Variants in USP29 observed in about 807,000 individuals in gnomAD.
USP29 encodes ubiquitin specific peptidase 29.
For synonymous variants in USP29, 386 were observed against 387.4 expected, an observed-to-expected ratio of 1.00 and a Z score of 0.04; for missense variants, 1,102 against 1,069.0, an observed-to-expected ratio of 1.03 and a Z score of -0.43.
chr19:57,128,022 G>A (rs532812809), intron 3 of USP29, among the ~76,000 whole-genome samples: 3 of 149,874 alleles, frequency 2.0e-5, no homozygotes, highest in Non-Finnish European at 3.0e-5. Flanking sequence ...GGGGGAGGGA[G>A]GTCCCTGGCT....
Position 57,130,776 on chromosome 19 carries a change from G to A in USP29, c.2101G>A (p.Val701Ile), listed in dbSNP as rs570824915. ...LQKYEKTNTF[V>I]EFNFDSVTES... ...GAAGTATGAGAAAACCAATACATTC[G>A]TAGAGTTCAATTTTGACAGTGTCAC... The change falls in exon 4 of 4, where the codon GTA (valine) becomes ATA (isoleucine). Residue 701 changes from valine (V) to isoleucine (I), a missense_variant. Transcript: ENST00000254181. 118 of 1,614,146 alleles carry A rather than the reference G, an allele frequency of 7.3e-5. No individual in the cohort carries two copies. Among genetic ancestry groups the A allele is most frequent in the East Asian group, 1.6e-4 (7 of 44,884 alleles).
At position 57,130,548 on chromosome 19, in the gene USP29, G is replaced by C. The variant is rs1202098931; in HGVS notation, c.1873G>C (p.Gly625Arg). ...GCAGCATCAGAGAGACCTGGAAAAT[G>C]GCTCTGCACTAGAGTCAGAATTGGT... ...QEQHQRDLEN[G>R]SALESELVHF... The change falls in exon 4 of 4, where the codon GGC becomes CGC. Residue 625 changes from glycine to arginine, a missense_variant. Transcript: ENST00000254181. 6 of 1,614,174 alleles carry C rather than the reference G, an allele frequency of 3.7e-6. No individual in the cohort carries two copies. Among genetic ancestry groups the C allele is most frequent in the Non-Finnish European group, 5.1e-6 (6 of 1,180,036 alleles).
rs1027662808 is a variant in USP29 at position 57,129,539 on chromosome 19, C to A, written c.864C>A (p.Pro288=). Residue 288 remains proline, a synonymous_variant, in exon 4 of 4, where the codon CCC becomes CCA. Transcript: ENST00000254181. ...CACAGCAACTGCAGCAGGGGTTCCC[C>A]AATTTGGGAAACACCTGTTACATGA... is the stretch of plus-strand genomic sequence containing the variant. The part of the protein sequence containing the change: ...SHSQQLQQGF[P]NLGNTCYMNA... 8 of 1,614,176 alleles carry A rather than the reference C, an allele frequency of 5.0e-6. No homozygotes were observed. The highest frequency in any genetic ancestry group is 5.9e-6 in the Non-Finnish European group (7 of 1,180,038).
intron 3 of USP29, among the ~76,000 whole-genome samples, chr19:57,127,338 C>G (rs1018981808): frequency 6.6e-6 from 1 of 152,216 alleles, no homozygotes; most frequent in Non-Finnish European, 1.5e-5. Flanking sequence ...CTCTTCAGAG[C>G]CAGCAGGCAG....
Position 57,122,976 on chromosome 19 carries a change from G to A in USP29, c.-118+502G>A, listed in dbSNP as rs1327404754. Among the ~76,000 whole-genome samples the A allele has an allele frequency of 3.3e-5, 5 of 152,104 alleles. No homozygotes were observed. The East Asian group carries it at 9.6e-4, about 29-fold the overall frequency. On this transcript the variant is annotated intron_variant, in intron 2 of 3. Transcript: ENST00000254181. Reference sequence around the variant, plus strand: ...TATATATTATGTTAGGATCTCTCAGGAAACTGAGGACACATTAATTATAAT... The same window carrying A: ...TATATATTATGTTAGGATCTCTCAGAAAACTGAGGACACATTAATTATAAT...
chr19:57,129,234 G>GATAA lies in USP29; in HGVS notation c.560_563dup (p.Asn188LysfsTer2), dbSNP rs1233584595. The GATAA allele has an allele frequency of 6.2e-7, 1 of 1,612,594 alleles. No individual in the cohort carries two copies. Among genetic ancestry groups the GATAA allele is most frequent in the Non-Finnish European group, 8.5e-7 (1 of 1,179,572 alleles). ...GACAAATGAGGACATTCTGAAGGAA[G>GATAA]ATAACCCTGTACCAAACAAGAAATA... On this transcript the variant is annotated frameshift_variant, in exon 4 of 4. Coordinates refer to ENST00000254181, the MANE Select transcript of USP29 (RefSeq NM_020903.3). LOFTEE classifies it low-confidence loss of function (END_TRUNC).
chr19:57,130,334 T>C lies in USP29; in HGVS notation c.1659T>C (p.Ser553=), dbSNP rs779473486. 3 of 1,614,144 alleles carry C rather than the reference T, an allele frequency of 1.9e-6. No homozygotes were observed. The South Asian group carries it at 3.3e-5, about 18-fold the overall frequency. The stretch of plus-strand genomic sequence containing the variant: ...CCAAACCACCTCTTCCCTTGAGCAG[T>C]AGTGCACCTGTTGGGAAATGTGAAG... The part of the protein sequence containing the change: ...ESTKPPLPLS[S]SAPVGKCEVL... Residue 553 remains serine, a synonymous_variant, in exon 4 of 4, where the codon AGT becomes AGC. Coordinates refer to ENST00000254181, the MANE Select transcript of USP29 (RefSeq NM_020903.3).
At chr19:57,120,806 A>AAAAAAAAAAAAAAAAG in intron 1 of USP29, among the ~76,000 whole-genome samples, 1 of 146,876 alleles carries the variant, frequency 6.8e-6, no homozygotes, top group African/African-American at 2.5e-5. Flanking sequence ...AAAAAAAAAA[A>AAAAAAAAAAAAAAAAG]AAAAAAACAG....
In USP29 at chr19:57,130,530, C is replaced by CAG; in HGVS notation, c.1861_1862dup (p.Asp621GlufsTer9). On this transcript the variant is annotated frameshift_variant, in exon 4 of 4. Transcript: ENST00000254181. LOFTEE classifies it low-confidence loss of function (END_TRUNC). ...TGGAGATGCAAGCCAAGAGCAGCATCAGAGAGACCTGGAAAATGGCTCTGC... is the reference window on the plus strand; with the variant it reads ...TGGAGATGCAAGCCAAGAGCAGCATCAGAGAGAGACCTGGAAAATGGCTCTGC... The CAG allele has an allele frequency of 6.2e-7, 1 of 1,614,174 alleles. No homozygotes were observed. The highest frequency in any genetic ancestry group is 8.5e-7 in the Non-Finnish European group (1 of 1,180,040).
In USP29 at chr19:57,129,453, C is replaced by T; in HGVS notation, c.778C>T (p.Pro260Ser). The T allele has an allele frequency of 2.5e-6, 4 of 1,614,190 alleles. No homozygotes were observed. The highest frequency in any genetic ancestry group is 3.4e-6 in the Non-Finnish European group (4 of 1,180,032). Reference sequence around the variant, plus strand: ...AAATGGTTTGACATCTCCATTGGAACCAGAGCACAGCCAGGGTGACCCAAG... The same window carrying T: ...AAATGGTTTGACATCTCCATTGGAATCAGAGCACAGCCAGGGTGACCCAAG... ...AKNGLTSPLE[P>S]EHSQGDPRCN... Residue 260 changes from proline to serine, a missense_variant, in exon 4 of 4, where the codon CCA becomes TCA. By Grantham distance (74) the Pro-to-Ser change is moderately conservative. Transcript: ENST00000254181.
At chr19:57,121,187 T>C (rs550736269) in intron 1 of USP29, among the ~76,000 whole-genome samples, 135 of 151,088 alleles carry the variant, frequency 8.9e-4, no homozygotes, top group Non-Finnish European at 1.6e-3. Context: ...ACAGGGTAAC[T>C]ACTAGAACGT....
chr19:57,121,398 T>TA (rs1568453887), intron 1 of USP29, among the ~76,000 whole-genome samples: 2 of 145,542 alleles, frequency 1.4e-5, no homozygotes, highest in Non-Finnish European at 3.0e-5. Flanking sequence ...TATACTTATA[T>TA]ATGTTATACA....
At chr19:57,121,353 ATATCTACTTATGT>A (rs1257761448) in intron 1 of USP29, among the ~76,000 whole-genome samples, 3 of 144,978 alleles carry the variant, frequency 2.1e-5, no homozygotes, top group African/African-American at 7.5e-5. Context: ...TATATATGTT[ATATCTACTTATGT>A]TATATACTTA....
intron 2 of USP29, among the ~76,000 whole-genome samples, chr19:57,123,785 G>A (rs947629023): frequency 8.5e-5 from 13 of 152,304 alleles, no homozygotes; most frequent in African/African-American, 2.9e-4. Flanking sequence ...CAATGAATGT[G>A]AAGTCAGTTG....
At chr19:57,127,219 T>C (rs2086828447) in intron 3 of USP29, among the ~76,000 whole-genome samples, 1 of 152,208 alleles carries the variant, frequency 6.6e-6, no homozygotes, top group Admixed American at 6.5e-5. Context: ...GGGAGTTCTT[T>C]CCCAGTTAGA....
Position 57,131,321 on chromosome 19 carries a change from C to T in USP29, c.2646C>T (p.Tyr882=), listed in dbSNP as rs1426524813. 1.9e-6 allele frequency: 3 copies of T among 1,614,076 alleles called. No homozygotes were observed. The highest frequency in any genetic ancestry group is 2.7e-5 in the African/African-American group (2 of 74,926). Residue 882 remains tyrosine (Y), a synonymous_variant, in exon 4 of 4, where the codon TAC becomes TAT. Coordinates refer to ENST00000254181, the MANE Select transcript of USP29 (RefSeq NM_020903.3). ...ARLHSGYIFF[Y]MHNGIFEELL... Reference sequence around the variant, plus strand: ...TTCACTCTGGGTATATCTTCTTTTACATGCACAATGGGATTTTTGAGGAGC... The same window carrying T: ...TTCACTCTGGGTATATCTTCTTTTATATGCACAATGGGATTTTTGAGGAGC...
In USP29 at chr19:57,122,453, A is replaced by AGATAAT. The variant is rs2086802535; in HGVS notation, c.-139_-138insGATAAT. ...CTGAAAAAAGAATTATCATCCACTCACCCAGAACAGCTCTCCAAACTGTAA... is the reference window on the plus strand; with the variant it reads ...CTGAAAAAAGAATTATCATCCACTCAGATAATCCCAGAACAGCTCTCCAAACTGTAA... On this transcript the variant is annotated 5_prime_UTR_variant, in exon 2 of 4. Coordinates refer to ENST00000254181, the MANE Select transcript of USP29 (RefSeq NM_020903.3). 6.6e-6 allele frequency: 1 copy of AGATAAT among 150,962 alleles called. No individual in the cohort carries two copies. The highest frequency in any genetic ancestry group is 1.9e-4 in the East Asian group (1 of 5,134). The allele number at this position is 150,962 out of a possible 1,614,324, so 9.4% of individuals were successfully genotyped here. A position where few individuals can be genotyped will look rare whatever the true frequency, so the allele number is the denominator to read the frequency against.
Position 57,131,327 on chromosome 19 carries a change from C to T in USP29, c.2652C>T (p.His884=). The T allele has an allele frequency of 6.2e-7, 1 of 1,614,168 alleles. No individual in the cohort carries two copies. Among genetic ancestry groups the T allele is most frequent in the Non-Finnish European group, 8.5e-7 (1 of 1,180,038 alleles). ...CTGGGTATATCTTCTTTTACATGCA[C>T]AATGGGATTTTTGAGGAGCTGTTAA... ...LHSGYIFFYM[H]NGIFEELLRK... Residue 884 remains histidine, a synonymous_variant, in exon 4 of 4, where the codon CAC becomes CAT. Coordinates refer to ENST00000254181, the MANE Select transcript of USP29 (RefSeq NM_020903.3).
Position 57,131,105 on chromosome 19 carries a change from A to C in USP29, c.2430A>C (p.Leu810=). Residue 810 remains leucine (L), a synonymous_variant, in exon 4 of 4, where the codon CTA becomes CTC. Transcript: ENST00000254181. The part of the protein sequence containing the change: ...AENTRGEAKE[L]TRNVKMGDPL... ...ACACAAGAGGTGAAGCCAAGGAACT[A>C]ACAAGAAACGTGAAGATGGGGGATC... 6.2e-7 allele frequency: 1 copy of C among 1,614,224 alleles called. No individual in the cohort carries two copies. Among genetic ancestry groups the C allele is most frequent in the Admixed American group, 1.7e-5 (1 of 60,030 alleles).
Sources: allele counts gnomAD v4.1 joint callset (sites outside exome capture counted in the v4.1 genomes callset), GRCh38; gene constraint gnomAD v4.1.1; transcripts MANE v1.5; gene names NCBI Gene and HGNC (gene_info 2026-07-23, HGNC 2026-07-21).